HHAT: variants seen among roughly 807,000 people sequenced by gnomAD.
The protein encoded by HHAT is protein-cysteine N-palmitoyltransferase HHAT.
In HHAT, 47 loss-of-function variants were observed where a neutral mutation model predicts 70.8. That is an observed-to-expected ratio of 0.66 (90% CI 0.53 to 0.85). HHAT has a LOEUF of 0.85. HHAT is among the 40% of genes least tolerant of loss of function. The probability of loss-of-function intolerance (pLI) is 0.00; values close to 1 mark genes in which losing one functional copy is unlikely to be tolerated. For synonymous variants in HHAT, 228 were observed against 247.6 expected (o/e 0.92, Z 0.74); for missense variants, 609 against 604.8 (o/e 1.01, Z -0.07).
At chr1:210,471,242 C>T (rs2094198962) in intron 8 of HHAT, among the ~76,000 whole-genome samples, 1 of 152,034 alleles carries the variant, frequency 6.6e-6, no homozygotes, top group Non-Finnish European at 1.5e-5. Flanking sequence ...CTGTCATCTC[C>T]CTGTTTTTCT....
chr1:210,408,727 G>A (rs539017896), intron 6 of HHAT, among the ~76,000 whole-genome samples: 1 of 152,192 alleles, frequency 6.6e-6, no homozygotes, highest in South Asian at 2.1e-4. Context: ...ACTGGCAAGA[G>A]CTGTGCAAGG....
intron 11 of HHAT, among the ~76,000 whole-genome samples, chr1:210,647,771 A>C (rs541790768): frequency 6.6e-6 from 1 of 152,230 alleles, no homozygotes; most frequent in Admixed American, 6.5e-5. Flanking sequence ...ATTATTGAAC[A>C]TCTGTTATGC....
At chr1:210,613,061 G>T (rs573893861) in intron 10 of HHAT, among the ~76,000 whole-genome samples, 234 of 152,162 alleles carry the variant, frequency 1.5e-3, no homozygotes, top group African/African-American at 5.3e-3. Context: ...CCATTCCTGG[G>T]TTGTCTTTTT....
chr1:210,531,724 A>G (rs561415306), intron 9 of HHAT, among the ~76,000 whole-genome samples: 1 of 152,352 alleles, frequency 6.6e-6, no homozygotes, highest in Admixed American at 6.5e-5. Context: ...AACCCATATG[A>G]AAATGCCTCT....
At chr1:210,368,149 G>A (rs968613139) in intron 3 of HHAT, among the ~76,000 whole-genome samples, 16 of 152,096 alleles carry the variant, frequency 1.1e-4, no homozygotes, top group Non-Finnish European at 1.8e-4. Flanking sequence ...TACAAATGAA[G>A]TTCTATGTCA....
chr1:210,635,568 G>A (rs902243231), intron 11 of HHAT, among the ~76,000 whole-genome samples: 1 of 152,194 alleles, frequency 6.6e-6, no homozygotes, highest in Non-Finnish European at 1.5e-5. Flanking sequence ...GCGCATCAAA[G>A]GACAGAAAAG....
chr1:210,501,029 A>G (rs548840853), intron 8 of HHAT, among the ~76,000 whole-genome samples: 5 of 152,208 alleles, frequency 3.3e-5, no homozygotes, highest in Middle Eastern at 3.4e-3. Context: ...GTAAAATGTA[A>G]ACACCAGCTC....
At chr1:210,493,915 T>C (rs1351111071) in intron 8 of HHAT, among the ~76,000 whole-genome samples, 1 of 152,258 alleles carries the variant, frequency 6.6e-6, no homozygotes, top group Admixed American at 6.5e-5. Context: ...GACATGTCTT[T>C]CTTTGTCAAT....
At chr1:210,437,623 A>G (rs776187167) in intron 7 of HHAT, among the ~76,000 whole-genome samples, 1 of 151,798 alleles carries the variant, frequency 6.6e-6, no homozygotes, top group Non-Finnish European at 1.5e-5. Context: ...GCCCATTAGG[A>G]CGGCTGTGGA....
At chr1:210,469,410 G>A (rs1326645843) in intron 8 of HHAT, among the ~76,000 whole-genome samples, 1 of 152,052 alleles carries the variant, frequency 6.6e-6, no homozygotes, top group Non-Finnish European at 1.5e-5. Flanking sequence ...TGACCACCAG[G>A]ATCCCTGTGC....
intron 1 of HHAT, 189 bp downstream of exon 1, chr1:210,329,293 C>A: frequency 8.2e-7 from 1 of 1,224,132 alleles, no homozygotes; most frequent in South Asian, 4.0e-5. Context: ...GCGGGGGCCG[C>A]GCGCGCAGTG....
chr1:210,331,076 T>G (rs944851439), intron 1 of HHAT, among the ~76,000 whole-genome samples: 1 of 152,124 alleles, frequency 6.6e-6, no homozygotes. Context: ...CATCCTCTCC[T>G]TGGCCTCCCA....
At chr1:210,437,547 G>A (rs907195924) in intron 7 of HHAT, among the ~76,000 whole-genome samples, 1 of 151,858 alleles carries the variant, frequency 6.6e-6, no homozygotes, top group Non-Finnish European at 1.5e-5. Context: ...CTTGGTGAGA[G>A]GCTGTCCACA....
chr1:210,438,352 C>T (rs532444911), intron 7 of HHAT, among the ~76,000 whole-genome samples: 2 of 151,836 alleles, frequency 1.3e-5, no homozygotes, highest in South Asian at 2.1e-4. Flanking sequence ...ATTAGAGTGG[C>T]CTGCACAGTT....
intron 9 of HHAT, among the ~76,000 whole-genome samples, chr1:210,575,833 CAGTT>C (rs796498776): frequency 3.3e-4 from 51 of 152,250 alleles, no homozygotes; most frequent in African/African-American, 1.2e-3. Context: ...TTTCTTTAGA[CAGTT>C]AGTTACTGCA....
intron 10 of HHAT, among the ~76,000 whole-genome samples, chr1:210,619,970 G>A (rs1233834443): frequency 5.3e-5 from 8 of 152,116 alleles, no homozygotes; most frequent in African/African-American, 1.4e-4. Flanking sequence ...CCCCCATTTC[G>A]TTTATAATTC....
chr1:210,357,286 C>G (rs1268505471), intron 2 of HHAT, among the ~76,000 whole-genome samples: 2 of 152,136 alleles, frequency 1.3e-5, no homozygotes, highest in Non-Finnish European at 2.9e-5. Context: ...TTTGAGAAAA[C>G]AGCAGAAGCA....
At chr1:210,341,395 G>A (rs568007923) in intron 1 of HHAT, among the ~76,000 whole-genome samples, 1 of 152,326 alleles carries the variant, frequency 6.6e-6, no homozygotes, top group African/African-American at 2.4e-5. Flanking sequence ...AAGTTGCTGG[G>A]GGAAAAGCAT....
At chr1:210,403,241 C>T (rs1368339383) in intron 5 of HHAT, among the ~76,000 whole-genome samples, 1 of 152,054 alleles carries the variant, frequency 6.6e-6, no homozygotes. Flanking sequence ...GAAGATACTT[C>T]CCAGAATGAT....
Sources: allele counts gnomAD v4.1 joint callset (sites outside exome capture counted in the v4.1 genomes callset), GRCh38; gene constraint gnomAD v4.1.1; transcripts MANE v1.5; gene names NCBI Gene and HGNC (gene_info 2026-07-23, HGNC 2026-07-21).